ARHGAP18: variants seen among roughly 807,000 people sequenced by gnomAD.
ARHGAP18 encodes the protein Rho GTPase activating protein 18.
In ARHGAP18, 67 loss-of-function variants were observed where a neutral mutation model predicts 86.2. The ratio of observed to expected loss-of-function variants is 0.78; its 90% CI spans 0.64 to 0.95. The LOEUF (loss-of-function observed/expected upper bound fraction) is 0.95. Ranked by LOEUF, ARHGAP18 falls within the 40% of genes least tolerant of loss-of-function variation. The pLI is 0.00. For missense variants in ARHGAP18, 691 were observed against 780.4 expected, an observed-to-expected ratio of 0.89 and a Z score of 1.37; for synonymous variants, 283 against 280.4, an observed-to-expected ratio of 1.01 and a Z score of -0.09.
intron 1 of ARHGAP18, among the ~76,000 whole-genome samples, chr6:129,643,686 G>GA (rs1773516610): frequency 6.6e-6 from 1 of 151,750 alleles, no homozygotes; most frequent in Non-Finnish European, 1.5e-5. Context: ...GGACTTCCAG[G>GA]AAGTAATTCT....
intron 1 of ARHGAP18, among the ~76,000 whole-genome samples, chr6:129,697,632 A>G (rs1486858805): frequency 6.6e-6 from 1 of 152,222 alleles, no homozygotes; most frequent in African/African-American, 2.4e-5. Context: ...TTAATAATGC[A>G]CTTATACAAT....
At chr6:129,581,197 A>AG (rs1195589110) in intron 13 of ARHGAP18, among the ~76,000 whole-genome samples, 1 of 152,194 alleles carries the variant, frequency 6.6e-6, no homozygotes, top group Non-Finnish European at 1.5e-5. Flanking sequence ...TCAAGCCATT[A>AG]GGAAGAGCAT....
chr6:129,636,288 G>A (rs965018940), intron 3 of ARHGAP18, among the ~76,000 whole-genome samples: 2 of 152,348 alleles, frequency 1.3e-5, no homozygotes, highest in South Asian at 2.1e-4. Flanking sequence ...TGCAAAGAGA[G>A]TAGCAATCTG....
Position 129,645,670 on chromosome 6 carries a change from G to A in ARHGAP18, c.114-3652C>T, listed in dbSNP as rs369174496. On this transcript the variant is annotated intron_variant, in intron 1 of 14. Coordinates refer to ENST00000368149, the MANE Select transcript of ARHGAP18 (RefSeq NM_033515.3). ...ACAGAACTAGACGCTGTCCTCTAAA[G>A]GAAGTTGCCAGAGTTGCTCTATAAA... 2.0e-5 allele frequency among the ~76,000 whole-genome samples: 3 copies of A among 152,158 alleles called. No homozygotes were observed. The East Asian group carries it at 5.8e-4, about 29-fold the overall frequency.
At chr6:129,643,337 G>A (rs1297189957) in intron 1 of ARHGAP18, among the ~76,000 whole-genome samples, 6 of 152,126 alleles carry the variant, frequency 3.9e-5, no homozygotes, top group African/African-American at 1.4e-4. Context: ...CTTTCATGCT[G>A]TTCTCGTGAT....
chr6:129,701,252 G>A (rs1045860065), intron 1 of ARHGAP18, among the ~76,000 whole-genome samples: 1 of 152,110 alleles, frequency 6.6e-6, no homozygotes, highest in African/African-American at 2.4e-5. Flanking sequence ...TTGCGAAGCA[G>A]GAAGGGCATC....
chr6:129,706,094 T>TA (rs1337876309), intron 1 of ARHGAP18, among the ~76,000 whole-genome samples: 1 of 152,096 alleles, frequency 6.6e-6, no homozygotes, highest in Non-Finnish European at 1.5e-5. Context: ...AAAGGCCCAA[T>TA]AAAAAAGGTT....
intron 4 of ARHGAP18, among the ~76,000 whole-genome samples, chr6:129,632,573 C>T (rs1203762662): frequency 6.6e-6 from 1 of 152,128 alleles, no homozygotes; most frequent in Non-Finnish European, 1.5e-5. Context: ...TCCTGATGAC[C>T]CAGCTCTCTA....
chr6:129,610,223 C>G (rs1254953208), intron 8 of ARHGAP18, among the ~76,000 whole-genome samples: 1 of 152,198 alleles, frequency 6.6e-6, no homozygotes, highest in African/African-American at 2.4e-5. Context: ...GCTACAATTC[C>G]AAGTATGAGT....
At chr6:129,655,091 C>T (rs147669385) in intron 1 of ARHGAP18, among the ~76,000 whole-genome samples, 1,553 of 152,142 alleles carry the variant, frequency 0.01, 32 homozygotes, top group African/African-American at 0.036. Flanking sequence ...GAGGCCAAGG[C>T]GGGCAGATCA....
At chr6:129,616,026 C>G (rs1789090354) in intron 7 of ARHGAP18, among the ~76,000 whole-genome samples, 186 bp downstream of exon 7, 1 of 152,114 alleles carries the variant, frequency 6.6e-6, no homozygotes, top group Non-Finnish European at 1.5e-5. Context: ...AGTAATAACA[C>G]AGAAAGCATC....
intron 6 of ARHGAP18, among the ~76,000 whole-genome samples, chr6:129,618,209 T>C (rs1227195952): frequency 6.6e-6 from 1 of 152,024 alleles, no homozygotes; most frequent in Non-Finnish European, 1.5e-5. Flanking sequence ...GGAAAGAATG[T>C]CTTTGCAAAA....
At chr6:129,706,847 C>T (rs958824480) in intron 1 of ARHGAP18, among the ~76,000 whole-genome samples, 7 of 133,212 alleles carry the variant, frequency 5.3e-5, no homozygotes, top group Non-Finnish European at 9.2e-5. Context: ...GATCGTGCCA[C>T]GGCATTCCAG....
chr6:129,693,108 A>G (rs1041915), intron 1 of ARHGAP18, among the ~76,000 whole-genome samples: 14,720 of 152,248 alleles, frequency 0.097, 840 homozygotes, highest in East Asian at 0.23. Context: ...AGAGCTGTTC[A>G]TCGGTAACTG....
chr6:129,638,296 G>C, intron 3 of ARHGAP18, 98 bp downstream of exon 3: 1 of 1,198,876 alleles, frequency 8.3e-7, no homozygotes, highest in Non-Finnish European at 1.2e-6. Context: ...CATAGAATAG[G>C]TGATCATTAC....
At chr6:129,579,977 C>G in intron 14 of ARHGAP18, 93 bp downstream of exon 14, 1 of 1,097,628 alleles carries the variant, frequency 9.1e-7, no homozygotes, top group Non-Finnish European at 1.3e-6. Flanking sequence ...TATTTTACTT[C>G]TAATTTCCTG....
chr6:129,629,430 C>T lies in ARHGAP18; in HGVS notation c.709G>A (p.Ala237Thr). Residue 237 changes from alanine (A) to threonine (T), a missense_variant, in exon 5 of 15, where the codon GCC becomes ACC. Ala to Thr is a moderately conservative substitution (Grantham distance 58). Transcript: ENST00000368149. ...TCTTTCTGATTGAGTGCTTGCTCGG[C>T]AAATGATACCTCCAGGTTGATGTCT... Reference protein sequence around the residue: ...ETDINLEVSFAEQALNQKESS... With the variant: ...ETDINLEVSFTEQALNQKESS... The T allele has an allele frequency of 1.2e-6, 2 of 1,613,914 alleles. No individual in the cohort carries two copies. The highest frequency in any genetic ancestry group is 1.7e-6 in the Non-Finnish European group (2 of 1,179,962).
At chr6:129,661,834 C>T (rs1773958792) in intron 1 of ARHGAP18, 1 of 984,080 alleles carries the variant, frequency 1.0e-6, no homozygotes, top group South Asian at 4.7e-5. Flanking sequence ...CTCTTCATCC[C>T]ACCAGCTCAC....
intron 1 of ARHGAP18, among the ~76,000 whole-genome samples, chr6:129,655,714 A>G (rs1422083723): frequency 6.6e-6 from 1 of 152,238 alleles, no homozygotes. Flanking sequence ...TTTTTATAAG[A>G]CAAATATTGT....
Sources: gnomAD v4.1 joint callset for allele counts (sites outside exome capture counted in the v4.1 genomes callset) on GRCh38, gnomAD v4.1.1 for gene constraint, MANE v1.5 for transcripts, NCBI Gene and HGNC (gene_info 2026-07-23, HGNC 2026-07-21) for gene names.